The following NRP1 variants were observed in gnomAD, a reference collection of about 807,000 sequenced individuals.
NRP1 encodes the protein neuropilin-1.
Under a neutral mutation model 106.7 loss-of-function variants are expected in NRP1, and 35 were observed. That is an observed-to-expected ratio of 0.33 (90% CI 0.25 to 0.43). The LOEUF is 0.43. NRP1 is among the 20% of genes least tolerant of loss of function. The pLI is 1.00. For synonymous variants in NRP1, 437 were observed against 417.9 expected (o/e 1.05, Z -0.56); for missense variants, 1,024 against 1,170.4 (o/e 0.87, Z 1.83).
At chr10:33,284,463 T>C (rs1312141018) in intron 2 of NRP1, among the ~76,000 whole-genome samples, 1 of 152,164 alleles carries the variant, frequency 6.6e-6, no homozygotes, top group African/African-American at 2.4e-5. Flanking sequence ...AAATGTACAA[T>C]AAAACAGGCC....
chr10:33,294,365 C>G (rs963034769), intron 2 of NRP1, among the ~76,000 whole-genome samples: 1 of 152,154 alleles, frequency 6.6e-6, no homozygotes, highest in African/African-American at 2.4e-5. Context: ...CGCCTGTAAT[C>G]CCAGCACTTT....
chr10:33,203,123 G>A, intron 10 of NRP1, 128 bp from the exon 11 acceptor site: 1 of 875,782 alleles, frequency 1.1e-6, no homozygotes, highest in Admixed American at 2.9e-5. Context: ...GGCATGGTTT[G>A]CCTCTCTTTC....
intron 2 of NRP1, among the ~76,000 whole-genome samples, chr10:33,306,446 A>G (rs1264702362): frequency 3.3e-5 from 5 of 151,634 alleles, no homozygotes; most frequent in Non-Finnish European, 7.4e-5. Context: ...TTCATCCTCT[A>G]TTTTGACATA....
chr10:33,238,514 G>A (rs1286657556), intron 6 of NRP1, among the ~76,000 whole-genome samples: 1 of 152,180 alleles, frequency 6.6e-6, no homozygotes, highest in African/African-American at 2.4e-5. Flanking sequence ...TAAGATTCCT[G>A]CCCTCTAGAC....
At chr10:33,197,750 G>A (rs775776942) in intron 11 of NRP1, 41 bp from the exon 12 acceptor site, 2 of 1,237,870 alleles carry the variant, frequency 1.6e-6, no homozygotes, top group Non-Finnish European at 2.4e-6. Context: ...TAAGAAAACA[G>A]TAGCGAATAT....
intron 6 of NRP1, chr10:33,249,657 G>A (rs953236282): frequency 4.1e-5 from 15 of 366,012 alleles, no homozygotes; most frequent in African/African-American, 8.5e-5. Flanking sequence ...AAAAAAGGCA[G>A]GGCAGGCAAA....
chr10:33,186,542 A>C (rs757543887), intron 13 of NRP1, 54 bp from the exon 14 acceptor site: 4 of 1,544,886 alleles, frequency 2.6e-6, no homozygotes, highest in Non-Finnish European at 2.6e-6. Context: ...CCACACTTTT[A>C]TCTCTCTTCT....
intron 2 of NRP1, among the ~76,000 whole-genome samples, chr10:33,316,094 A>G (rs1847014413): frequency 6.6e-6 from 1 of 152,208 alleles, no homozygotes; most frequent in Non-Finnish European, 1.5e-5. Flanking sequence ...AGACCGAGGC[A>G]GGGAGGAAAC....
rs61758234 is a variant in NRP1, at chr10:33,334,516, A to T, written c.-134T>A. ...CTGTACAATCCTCAGCCCGTCTTGG[A>T]GAAAAGAAAGCAGCGAGGCAATGCC... is the stretch of plus-strand genomic sequence containing the variant. On this transcript the variant is annotated 5_prime_UTR_variant, in exon 1 of 17. Transcript: ENST00000374867. 31,155 of 736,182 alleles carry T rather than the reference A, an allele frequency of 0.042. 768 individuals carry two copies. Among genetic ancestry groups the T allele is most frequent in the Non-Finnish European group, 0.044 (20,055 of 460,610 alleles). 45.6% of individuals were successfully genotyped at this position (736,182 alleles called of 1,614,324 possible). A position where few individuals can be genotyped will look rare whatever the true frequency, so the allele number is the denominator to read the frequency against.
chr10:33,213,902 C>A (rs934531516), intron 8 of NRP1, 185 bp from the exon 9 acceptor site: 5 of 578,360 alleles, frequency 8.6e-6, no homozygotes, highest in Non-Finnish European at 1.5e-5. Context: ...TGTCAGAATT[C>A]CCGTCTCTAA....
chr10:33,334,037 C>CATGATAATTGGCA (rs1848457210), intron 1 of NRP1, among the ~76,000 whole-genome samples: 1 of 152,176 alleles, frequency 6.6e-6, no homozygotes, highest in South Asian at 2.1e-4. Flanking sequence ...GCATGCTGAT[C>CATGATAATTGGCA]TGGGAAGGTA....
chr10:33,213,205 A>C, intron 9 of NRP1, 181 bp downstream of exon 9: 1 of 1,499,726 alleles, frequency 6.7e-7, no homozygotes, highest in Non-Finnish European at 9.0e-7. Flanking sequence ...TATCTCAGAC[A>C]TCACTTTTCA....
chr10:33,324,725 C>T (rs1287647881), intron 2 of NRP1, among the ~76,000 whole-genome samples: 1 of 152,176 alleles, frequency 6.6e-6, no homozygotes. Context: ...GCAACCTCCG[C>T]TTCCCAGGTT....
At chr10:33,209,405 T>A (rs1366684544) in intron 9 of NRP1, among the ~76,000 whole-genome samples, 1 of 152,230 alleles carries the variant, frequency 6.6e-6, no homozygotes, top group East Asian at 1.9e-4. Context: ...CTAGCTGGCC[T>A]TAACTGGCGC....
chr10:33,246,130 C>CT (rs59011940), intron 6 of NRP1, among the ~76,000 whole-genome samples: 44,070 of 141,316 alleles, frequency 0.31, 7,026 homozygotes, highest in East Asian at 0.62. Flanking sequence ...TAATTTCTTT[C>CT]TTTTTTTTTT....
chr10:33,273,878 T>C (rs1843493064), intron 2 of NRP1, among the ~76,000 whole-genome samples: 2 of 152,070 alleles, frequency 1.3e-5, no homozygotes, highest in Non-Finnish European at 2.9e-5. Flanking sequence ...GCAGGGTCTT[T>C]TTCTCTCTGC....
chr10:33,252,797 C>T (rs944024737), intron 6 of NRP1, among the ~76,000 whole-genome samples: 5 of 152,120 alleles, frequency 3.3e-5, no homozygotes, highest in Non-Finnish European at 5.9e-5. Flanking sequence ...CCAAGGTAGA[C>T]GTCTCATCTT....
In NRP1 at chr10:33,233,773, G is replaced by A. The variant is rs936969513; in HGVS notation, c.982-7484C>T. Among the ~76,000 whole-genome samples the A allele has an allele frequency of 4.6e-5, 7 of 152,164 alleles. No homozygotes were observed. In the East Asian group the frequency reaches 1.3e-3, roughly 29 times the overall value. ...GAAAATATTTTTTGAGGGGGAGACT[G>A]TCGGATTTTCTTTGGGGCATCTCTG... On this transcript the variant is annotated intron_variant, in intron 6 of 16. Coordinates refer to ENST00000374867, the MANE Select transcript of NRP1 (RefSeq NM_003873.7).
intron 3 of NRP1, among the ~76,000 whole-genome samples, chr10:33,266,022 C>T (rs1245691911): frequency 1.3e-5 from 2 of 152,154 alleles, no homozygotes; most frequent in Non-Finnish European, 2.9e-5. Context: ...CCTCCAAACT[C>T]TTCCCTGGGG....
Sources: gnomAD v4.1 joint callset for allele counts (sites outside exome capture counted in the v4.1 genomes callset) on GRCh38, gnomAD v4.1.1 for gene constraint, MANE v1.5 for transcripts, NCBI Gene and HGNC (gene_info 2026-07-23, HGNC 2026-07-21) for gene names.